Variants in SUCLG2 observed in about 807,000 individuals in gnomAD.
SUCLG2 encodes the protein succinate--CoA ligase [GDP-forming] subunit beta, mitochondrial.
SUCLG2 carries 42 observed loss-of-function variants against 47.9 expected under a neutral mutation model. The ratio of observed to expected loss-of-function variants is 0.88; its 90% CI spans 0.69 to 1.14. The LOEUF (loss-of-function observed/expected upper bound fraction) is 1.14. SUCLG2 is among the 50% of genes most tolerant of loss of function. The pLI is 0.00. For synonymous variants in SUCLG2, 195 were observed against 197.3 expected, an observed-to-expected ratio of 0.99 and a Z score of 0.10; for missense variants, 571 against 525.9, an observed-to-expected ratio of 1.09 and a Z score of -0.84.
chr3:67,439,892 T>C (rs1703716057), intron 9 of SUCLG2, among the ~76,000 whole-genome samples: 1 of 152,188 alleles, frequency 6.6e-6, no homozygotes, highest in South Asian at 2.1e-4. Flanking sequence ...TTAAATTTCA[T>C]GTGGAACCCA....
intron 9 of SUCLG2, among the ~76,000 whole-genome samples, chr3:67,488,630 T>C (rs1351990851): frequency 6.6e-6 from 1 of 152,218 alleles, no homozygotes; most frequent in African/African-American, 2.4e-5. Context: ...ATAAGATTAT[T>C]CTTAAGATGC....
chr3:67,577,238 T>G (rs116900331), intron 2 of SUCLG2, among the ~76,000 whole-genome samples: 2,228 of 151,906 alleles, frequency 0.015, 41 homozygotes, highest in East Asian at 0.049. Context: ...AACCCAGGAG[T>G]TGGAGGTTGC....
At chr3:67,536,870 T>A (rs1559562333) in intron 2 of SUCLG2, among the ~76,000 whole-genome samples, 1 of 152,182 alleles carries the variant, frequency 6.6e-6, no homozygotes, top group Admixed American at 6.5e-5. Flanking sequence ...CCTACTTCCA[T>A]GAAAATTGAC....
intron 10 of SUCLG2, among the ~76,000 whole-genome samples, chr3:67,400,285 T>C (rs1266257863): frequency 6.6e-6 from 1 of 151,856 alleles, no homozygotes; most frequent in East Asian, 1.9e-4. Flanking sequence ...CAAATTATTT[T>C]TTAAGAGTTA....
intron 2 of SUCLG2, among the ~76,000 whole-genome samples, chr3:67,566,388 C>T (rs1707454431): frequency 6.6e-6 from 1 of 151,782 alleles, no homozygotes; most frequent in African/African-American, 2.4e-5. Context: ...ATCTCATATA[C>T]CATGTTAATG....
chr3:67,623,790 C>G (rs751316087), intron 1 of SUCLG2, among the ~76,000 whole-genome samples: 1 of 152,154 alleles, frequency 6.6e-6, no homozygotes, highest in Admixed American at 6.5e-5. Flanking sequence ...GCACACTAAG[C>G]GGGTAAAGCA....
In SUCLG2 at chr3:67,643,263, C is replaced by T. The variant is rs560150738; in HGVS notation, c.84+11240G>A. On this transcript the variant is annotated intron_variant, in intron 1 of 10. Coordinates refer to ENST00000307227, the MANE Select transcript of SUCLG2 (RefSeq NM_003848.4). ...TGACTTAAACTACAACGACTACGAC[C>T]GCCATCACTCACTTATCACCAGAAA... is the stretch of plus-strand genomic sequence containing the variant. Among the ~76,000 whole-genome samples, 41 of 152,222 alleles carry T rather than the reference C, an allele frequency of 2.7e-4. No individual in the cohort carries two copies. In the South Asian group the frequency reaches 6.8e-3, roughly 25 times the overall value.
rs75810511 is a variant in SUCLG2, at chr3:67,470,626, T to A, written c.1062+25172A>T. On this transcript the variant is annotated intron_variant, in intron 9 of 10. Coordinates refer to ENST00000307227, the MANE Select transcript of SUCLG2 (RefSeq NM_003848.4). ...CATTTTCTCTCTGTCTCATACACTC[T>A]CTTGCCTTTTCACTTTCTGCCATGG... Among the ~76,000 whole-genome samples, 86 of 152,350 alleles carry A rather than the reference T, an allele frequency of 5.6e-4. 2 individuals are homozygous for A. In the East Asian group the frequency reaches 0.016, roughly 28 times the overall value.
chr3:67,605,588 C>G (rs191265481), intron 2 of SUCLG2, among the ~76,000 whole-genome samples: 1 of 152,200 alleles, frequency 6.6e-6, no homozygotes, highest in African/African-American at 2.4e-5. Flanking sequence ...TAGCTCTAGA[C>G]AGAATCACAG....
chr3:67,535,789 T>A (rs1706524928), intron 2 of SUCLG2, among the ~76,000 whole-genome samples: 1 of 152,140 alleles, frequency 6.6e-6, no homozygotes, highest in Non-Finnish European at 1.5e-5. Flanking sequence ...CACATCTGTC[T>A]GTCACTACCT....
intron 9 of SUCLG2, among the ~76,000 whole-genome samples, chr3:67,492,549 T>C (rs996147738): frequency 2.0e-5 from 3 of 152,344 alleles, no homozygotes; most frequent in South Asian, 2.1e-4. Context: ...ATTTAAAGAA[T>C]ACTAATGCTT....
chr3:67,511,526 C>A (rs1253671356), intron 6 of SUCLG2, among the ~76,000 whole-genome samples: 2 of 152,194 alleles, frequency 1.3e-5, no homozygotes, highest in East Asian at 3.9e-4. Context: ...CTCTTGCCTG[C>A]CACCATGTAA....
At chr3:67,422,020 G>A (rs975570301) in intron 9 of SUCLG2, among the ~76,000 whole-genome samples, 1 of 152,128 alleles carries the variant, frequency 6.6e-6, no homozygotes, top group Non-Finnish European at 1.5e-5. Flanking sequence ...GTCCTTCAAG[G>A]CAGGAAGAAG....
chr3:67,645,909 G>A, intron 1 of SUCLG2, among the ~76,000 whole-genome samples: 1 of 150,944 alleles, frequency 6.6e-6, no homozygotes, highest in Non-Finnish European at 1.5e-5. Context: ...CAGAAGCTGG[G>A]GACAAAAAGC....
At chr3:67,399,329 C>T (rs779073136) in intron 10 of SUCLG2, among the ~76,000 whole-genome samples, 1 of 152,164 alleles carries the variant, frequency 6.6e-6, no homozygotes, top group African/African-American at 2.4e-5. Context: ...GTGCAACTGT[C>T]TGGGTATCAA....
intron 2 of SUCLG2, among the ~76,000 whole-genome samples, chr3:67,533,857 A>G (rs1052584202): frequency 6.6e-6 from 1 of 152,182 alleles, no homozygotes; most frequent in African/African-American, 2.4e-5. Context: ...GTCAAAAGGC[A>G]TCTTTGAGAC....
rs185921106 is a variant in SUCLG2, at chr3:67,379,840, C to A, written c.1184-3981G>T. Among the ~76,000 whole-genome samples, 291 of 152,318 alleles carry A rather than the reference C, an allele frequency of 1.9e-3. 1 individual carries two copies. The highest frequency in any genetic ancestry group is 3.2e-3 in the Non-Finnish European group (218 of 68,028). On this transcript the variant is annotated intron_variant, in intron 10 of 10. Transcript: ENST00000307227. The stretch of plus-strand genomic sequence containing the variant: ...GCCCCAACTAAAGCAGGGGCTGGTA[C>A]AATGAACTTCTGGAGCACCTTGTAT...
At chr3:67,502,410 G>C (rs1705519762) in intron 7 of SUCLG2, among the ~76,000 whole-genome samples, 1 of 152,122 alleles carries the variant, frequency 6.6e-6, no homozygotes, top group Non-Finnish European at 1.5e-5. Flanking sequence ...AAATATCAGG[G>C]TATAAATGAC....
chr3:67,479,284 T>A (rs1426001075), intron 9 of SUCLG2, among the ~76,000 whole-genome samples: 1 of 148,328 alleles, frequency 6.7e-6, no homozygotes, highest in African/African-American at 2.5e-5. Flanking sequence ...CAAAGAGCCA[T>A]CAAAGTAAAA....
Sources: gnomAD v4.1 joint callset for allele counts (sites outside exome capture counted in the v4.1 genomes callset) on GRCh38, gnomAD v4.1.1 for gene constraint, MANE v1.5 for transcripts, NCBI Gene and HGNC (gene_info 2026-07-23, HGNC 2026-07-21) for gene names.